The following VAV1 variants were observed in gnomAD, a reference collection of about 807,000 sequenced individuals.
VAV1 encodes the protein vav guanine nucleotide exchange factor 1, also known as proto-oncogene vav.
Under a neutral mutation model 128.1 loss-of-function variants are expected in VAV1, and 33 were observed. That is an observed-to-expected ratio of 0.26 (90% CI 0.20 to 0.34). VAV1 has a LOEUF of 0.34. VAV1 is among the 10% of genes least tolerant of loss of function. VAV1 has a pLI of 1.00. For missense variants in VAV1, 715 were observed against 1,093.7 expected, an observed-to-expected ratio of 0.65 and a Z score of 4.88; for synonymous variants, 394 against 409.8, an observed-to-expected ratio of 0.96 and a Z score of 0.47.
intron 1 of VAV1, among the ~76,000 whole-genome samples, chr19:6,810,044 G>A (rs906226574): frequency 6.6e-6 from 1 of 152,048 alleles, no homozygotes; most frequent in Non-Finnish European, 1.5e-5. Context: ...TCTGGGCATG[G>A]TGGTGCATGC....
Position 6,777,354 on chromosome 19 carries a change from A to C in VAV1, c.204+4343A>C, listed in dbSNP as rs1013201937. ...ACAGTGGGAATAGCACACACACACA[A>C]AAACCCCTGTTGTTGAGGAGCCTGC... On this transcript the variant is annotated intron_variant, in intron 1 of 26. Transcript: ENST00000602142. The surrounding 1 kb of genome is among the most constrained non-coding windows in gnomAD (Gnocchi z 4.4). 2.0e-5 allele frequency among the ~76,000 whole-genome samples: 3 copies of C among 152,120 alleles called. No homozygotes were observed. Among genetic ancestry groups the C allele is most frequent in the Non-Finnish European group, 4.4e-5 (3 of 68,026 alleles).
chr19:6,799,610 G>GCCC (rs1176388023), intron 1 of VAV1, among the ~76,000 whole-genome samples: 1 of 151,964 alleles, frequency 6.6e-6, no homozygotes, highest in Non-Finnish European at 1.5e-5. Context: ...CTAACCCCCA[G>GCCC]CCCCCGACAG....
chr19:6,808,030 A>G (rs1444402062), intron 1 of VAV1, among the ~76,000 whole-genome samples: 1 of 150,478 alleles, frequency 6.6e-6, no homozygotes, highest in Non-Finnish European at 1.5e-5. Flanking sequence ...GTTAAAAAAA[A>G]GGCCGGGCGC....
intron 1 of VAV1, among the ~76,000 whole-genome samples, chr19:6,804,070 G>A (rs1971331239): frequency 6.6e-6 from 1 of 152,138 alleles, no homozygotes; most frequent in Non-Finnish European, 1.5e-5. Flanking sequence ...TCAGAGGTTA[G>A]TGGAAAGGGG....
Position 6,822,701 on chromosome 19 carries a change from G to GTA in VAV1, c.654+197_654+198dup, listed in dbSNP as rs571151478. 7.2e-4 allele frequency among the ~76,000 whole-genome samples: 107 copies of GTA among 149,292 alleles called. 1 individual carries two copies. Among genetic ancestry groups the GTA allele is most frequent in the South Asian group, 3.1e-3 (15 of 4,786 alleles). ...ATGTATATATAAATATGAGTCTGAC[G>GTA]TATATATATATTAAAAAATATATAT... On this transcript the variant is annotated intron_variant, in intron 6 of 26. Coordinates refer to ENST00000602142, the MANE Select transcript of VAV1 (RefSeq NM_005428.4). The surrounding 1 kb of genome is among the most constrained non-coding windows in gnomAD (Gnocchi z 5.9).
chr19:6,848,144 T>G, intron 23 of VAV1, 30 bp downstream of exon 23: 1 of 1,525,434 alleles, frequency 6.6e-7, no homozygotes, highest in African/African-American at 1.5e-5. Flanking sequence ...CTCATACCCT[T>G]TTGGGGCCTG....
Position 6,821,657 on chromosome 19 carries a change from G to A in VAV1, c.357G>A (p.Pro119=), listed in dbSNP as rs373664582. 8.4e-5 allele frequency: 136 copies of A among 1,614,124 alleles called. No individual in the cohort carries two copies. The East Asian group carries it at 1.4e-3, about 16-fold the overall frequency. Residue 119 remains proline, a synonymous_variant, in exon 3 of 27, where the codon CCG becomes CCA. Transcript: ENST00000602142. ...IYTLSALSWT[P]IAQNRGIMPF... ...CCCTGTCTGCTCTGTCCTGGACCCC[G>A]ATCGCCCAGAACAGGGGGATCATGT...
At chr19:6,801,571 T>A (rs1971269666) in intron 1 of VAV1, among the ~76,000 whole-genome samples, 1 of 152,110 alleles carries the variant, frequency 6.6e-6, no homozygotes, top group African/African-American at 2.4e-5. Context: ...CCTCGGGAGC[T>A]TGAGGTTGCC....
chr19:6,791,150 T>C (rs1971008597), intron 1 of VAV1, among the ~76,000 whole-genome samples: 1 of 152,246 alleles, frequency 6.6e-6, no homozygotes, highest in African/African-American at 2.4e-5. Context: ...TGGGTGGGTC[T>C]TAAATATCTC....
At chr19:6,829,550 G>A (rs962054715) in intron 13 of VAV1, among the ~76,000 whole-genome samples, 4 of 152,152 alleles carry the variant, frequency 2.6e-5, no homozygotes, top group Non-Finnish European at 5.9e-5. Flanking sequence ...AGGCGGTGGA[G>A]CCTTGATGGA....
At position 6,844,063 on chromosome 19, in the gene VAV1, C is replaced by CTTTTTTTTTTTTTTTTT. The variant is rs71177123; in HGVS notation, c.2012+922_2012+938dup. On this transcript the variant is annotated intron_variant, in intron 22 of 26. Transcript: ENST00000602142. ...ACTTTCTTCTTTTCTTCTTCTTCTT[C>CTTTTTTTTTTTTTTTTT]TTTTTTTTTTTTTTTTTTTTTTTTT... Among the ~76,000 whole-genome samples the CTTTTTTTTTTTTTTTTT allele has an allele frequency of 1.6e-3, 35 of 21,326 alleles. 13 individuals are homozygous for CTTTTTTTTTTTTTTTTT. Among genetic ancestry groups the CTTTTTTTTTTTTTTTTT allele is most frequent in the Admixed American group, 2.4e-3 (3 of 1,274 alleles). The allele number at this position is 21,326 out of a possible 152,430, so 14.0% of individuals were successfully genotyped here.
Position 6,832,098 on chromosome 19 carries a change from A to G in VAV1, c.1406A>G (p.His469Arg). The change falls in exon 15 of 27, where the codon CAC (histidine) becomes CGC (arginine). Residue 469 changes from histidine to arginine, a missense_variant. By Grantham distance (29) the His-to-Arg change is conservative. This residue lies in a region of VAV1 where 407 missense variants were observed against 580.6 expected (regional missense o/e 0.70). Transcript: ENST00000602142. Reference protein sequence around the residue: ...SGDRDNKKWSHMFLLIEDQGA... With the variant: ...SGDRDNKKWSRMFLLIEDQGA... Reference sequence around the variant, plus strand: ...AGCTCTGCTTCCCTGCAGTGGAGCCACATGTTCCTCCTGATCGAGGACCAA... The same window carrying G: ...AGCTCTGCTTCCCTGCAGTGGAGCCGCATGTTCCTCCTGATCGAGGACCAA... 1.9e-6 allele frequency: 3 copies of G among 1,614,096 alleles called. No homozygotes were observed. The highest frequency in any genetic ancestry group is 1.7e-6 in the Non-Finnish European group (2 of 1,179,976).
chr19:6,812,808 C>T (rs374136138), intron 1 of VAV1, among the ~76,000 whole-genome samples: 7 of 151,338 alleles, frequency 4.6e-5, no homozygotes, highest in African/African-American at 9.7e-5. Context: ...ATAATGGTAA[C>T]GATGATGGTG....
Position 6,848,085 on chromosome 19 carries a change from G to A in VAV1, c.2100G>A (p.Lys700=), listed in dbSNP as rs759657948. The change falls in exon 23 of 27, where the codon AAG becomes AAA. Residue 700 remains lysine, a synonymous_variant. Coordinates refer to ENST00000602142, the MANE Select transcript of VAV1 (RefSeq NM_005428.4). The stretch of plus-strand genomic sequence containing the variant: ...CTTTCTTGGTGCGGCAGAGGGTGAA[G>A]GATGCAGCAGAATTTGCCATCAGCA... ...DGTFLVRQRV[K]DAAEFAISIK... 3.3e-5 allele frequency: 52 copies of A among 1,554,560 alleles called. No homozygotes were observed. Among genetic ancestry groups the A allele is most frequent in the Non-Finnish European group, 3.7e-5 (43 of 1,156,982 alleles).
chr19:6,841,085 TG>T (rs1972364684), intron 21 of VAV1, among the ~76,000 whole-genome samples: 1 of 152,024 alleles, frequency 6.6e-6, no homozygotes, highest in African/African-American at 2.4e-5. Context: ...GCCTAATTTT[TG>T]TATTCTTTTG....
At chr19:6,832,020 G>A (rs2144789040) in intron 14 of VAV1, 71 bp from the exon 15 acceptor site, 1 of 1,318,550 alleles carries the variant, frequency 7.6e-7, no homozygotes, top group Non-Finnish European at 1.1e-6. Flanking sequence ...TACAGAGGGA[G>A]GGGTGGGTGG....
chr19:6,772,943 C>T lies in VAV1; in HGVS notation c.136C>T (p.Leu46=), dbSNP rs906226059. ...ALRDGVLLCQ[L]LNNLLPHAIN... ...CCGGGATGGTGTCCTTCTGTGTCAGCTGCTTAACAACCTGCTACCCCATGC... is the reference window on the plus strand; with the variant it reads ...CCGGGATGGTGTCCTTCTGTGTCAGTTGCTTAACAACCTGCTACCCCATGC... Residue 46 remains leucine, a synonymous_variant, in exon 1 of 27, where the codon CTG becomes TTG. Coordinates refer to ENST00000602142, the MANE Select transcript of VAV1 (RefSeq NM_005428.4). The surrounding 1 kb of genome is among the most constrained non-coding windows in gnomAD (Gnocchi z 4.8). 2.3e-5 allele frequency: 37 copies of T among 1,614,156 alleles called. No individual in the cohort carries two copies. The highest frequency in any genetic ancestry group is 3.0e-5 in the Non-Finnish European group (35 of 1,180,024).
rs1452053017 is a variant in VAV1, at chr19:6,828,590, G to A, written c.1093-32G>A. The stretch of plus-strand genomic sequence containing the variant: ...AGGTAGGAGCCTGGGTCGGCTGTTG[G>A]GGGGCCAGGTTCACCCCTGCCCCCT... On this transcript the variant is annotated intron_variant, in intron 11 of 26. Transcript: ENST00000602142. The surrounding 1 kb of genome is among the most constrained non-coding windows in gnomAD (Gnocchi z 4.5). 1.2e-6 allele frequency: 2 copies of A among 1,613,752 alleles called. No homozygotes were observed. The highest frequency in any genetic ancestry group is 2.2e-5 in the East Asian group (1 of 44,868).
chr19:6,797,755 A>C (rs943973533), intron 1 of VAV1, among the ~76,000 whole-genome samples: 12 of 151,648 alleles, frequency 7.9e-5, no homozygotes, highest in African/African-American at 1.5e-4. Flanking sequence ...AAAAAAAAAA[A>C]AAAAAAAGAG....
Sources: allele counts gnomAD v4.1 joint callset (sites outside exome capture counted in the v4.1 genomes callset), GRCh38; gene constraint gnomAD v4.1.1; regional missense constraint gnomAD v4.1.1; non-coding constraint Gnocchi (gnomAD v3.1); transcripts MANE v1.5; gene names NCBI Gene and HGNC (gene_info 2026-07-23, HGNC 2026-07-21).